Variants in GRM5 observed in about 807,000 individuals in gnomAD.
GRM5 encodes metabotropic glutamate receptor 5.
A neutral mutation model predicts 83.1 loss-of-function variants in GRM5; 19 were observed. The observed-to-expected ratio is 0.23, with a 90% CI of 0.16 to 0.34. GRM5 has a LOEUF of 0.34. GRM5 is among the 10% of genes least tolerant of loss of function. GRM5 has a pLI of 1.00. For missense variants in GRM5, 1,160 were observed against 1,588.3 expected (o/e 0.73, Z 4.58); for synonymous variants, 675 against 633.6 (o/e 1.07, Z -0.98).
At chr11:88,666,534 C>T (rs746201507) in intron 3 of GRM5, among the ~76,000 whole-genome samples, 129 of 152,304 alleles carry the variant, frequency 8.5e-4, no homozygotes, top group Middle Eastern at 3.4e-3. Context: ...GCCCTCATAA[C>T]CCAAACATCT....
At chr11:88,927,096 T>C (rs1265515543) in intron 2 of GRM5, among the ~76,000 whole-genome samples, 1 of 152,184 alleles carries the variant, frequency 6.6e-6, no homozygotes, top group Non-Finnish European at 1.5e-5. Context: ...TCATGACATC[T>C]TAAATAAAGA....
chr11:88,734,804 T>A (rs969006768), intron 3 of GRM5, among the ~76,000 whole-genome samples: 1 of 152,030 alleles, frequency 6.6e-6, no homozygotes, highest in East Asian at 1.9e-4. Context: ...CAATTATGGA[T>A]TTATTAAGTG....
At chr11:88,912,736 T>C (rs1295777036) in intron 2 of GRM5, among the ~76,000 whole-genome samples, 1 of 152,220 alleles carries the variant, frequency 6.6e-6, no homozygotes, top group Non-Finnish European at 1.5e-5. Flanking sequence ...ATAGAAACTA[T>C]ATTCCATTAT....
chr11:88,883,025 C>G (rs551962108), intron 2 of GRM5, among the ~76,000 whole-genome samples: 54 of 152,262 alleles, frequency 3.5e-4, no homozygotes, highest in African/African-American at 1.3e-3. Flanking sequence ...TTGAGGCCTC[C>G]CCAGCCACAT....
At chr11:88,790,021 G>C (rs1190660206) in intron 3 of GRM5, among the ~76,000 whole-genome samples, 1 of 151,942 alleles carries the variant, frequency 6.6e-6, no homozygotes, top group Non-Finnish European at 1.5e-5. Context: ...GCAACACCAC[G>C]CCTGGCAAAT....
At chr11:88,828,002 C>T (rs918540653) in intron 3 of GRM5, among the ~76,000 whole-genome samples, 7 of 151,994 alleles carry the variant, frequency 4.6e-5, no homozygotes, top group Non-Finnish European at 1.0e-4. Context: ...AAGGTAACAT[C>T]TGAGTGAAGA....
intron 4 of GRM5, among the ~76,000 whole-genome samples, chr11:88,628,198 C>T (rs2135267349): frequency 6.6e-6 from 1 of 152,216 alleles, no homozygotes; most frequent in Non-Finnish European, 1.5e-5. Flanking sequence ...TGCCTAGAGC[C>T]CTTAAGTCAC....
rs200343438 is a variant in GRM5, at chr11:88,978,474, T to TAAAAAAAAAAAAAAAA, written c.661+68722_661+68737dup. On this transcript the variant is annotated intron_variant, in intron 2 of 9. Transcript: ENST00000305447. ...TAACATTAACAACAGCAGATGAGCT[T>TAAAAAAAAAAAAAAAA]AAAAAAAAAAAAAAAAAAAAAAAAA... Among the ~76,000 whole-genome samples, 3 of 97,984 alleles carry TAAAAAAAAAAAAAAAA rather than the reference T, an allele frequency of 3.1e-5. 1 individual carries two copies. The highest frequency in any genetic ancestry group is 6.3e-5 in the Non-Finnish European group (3 of 47,578). The allele number at this position is 97,984 out of a possible 152,430, so 64.3% of individuals were successfully genotyped here.
At chr11:88,937,161 G>A (rs959371631) in intron 2 of GRM5, among the ~76,000 whole-genome samples, 1 of 151,636 alleles carries the variant, frequency 6.6e-6, no homozygotes, top group African/African-American at 2.4e-5. Flanking sequence ...AGCTTAATTT[G>A]AGCTCAGAGG....
intron 3 of GRM5, among the ~76,000 whole-genome samples, chr11:88,783,509 G>A (rs547534490): frequency 1.3e-5 from 2 of 152,102 alleles, no homozygotes; most frequent in Admixed American, 6.6e-5. Flanking sequence ...TAAATGCAAC[G>A]ACAAGGGAAA....
chr11:88,569,082 CTA>C (rs746477376), intron 7 of GRM5, among the ~76,000 whole-genome samples: 1 of 152,128 alleles, frequency 6.6e-6, no homozygotes, highest in African/African-American at 2.4e-5. Flanking sequence ...ATCACCAAGA[CTA>C]TATATATACA....
chr11:88,578,520 G>A (rs1477195262), intron 7 of GRM5, among the ~76,000 whole-genome samples: 2 of 152,136 alleles, frequency 1.3e-5, no homozygotes, highest in Non-Finnish European at 2.9e-5. Context: ...GAAGAACATG[G>A]TGAACATTTT....
intron 3 of GRM5, among the ~76,000 whole-genome samples, chr11:88,738,623 C>A (rs1044251717): frequency 6.6e-6 from 1 of 152,050 alleles, no homozygotes; most frequent in African/African-American, 2.4e-5. Flanking sequence ...ATGTTTAAAT[C>A]ACATAAAGTG....
chr11:88,705,838 G>C (rs1403984445), intron 3 of GRM5, among the ~76,000 whole-genome samples: 1 of 151,884 alleles, frequency 6.6e-6, no homozygotes, highest in Admixed American at 6.6e-5. Context: ...CCAAGAATCT[G>C]TCTCCATCTC....
chr11:88,553,157 G>A (rs1942549742), intron 8 of GRM5, among the ~76,000 whole-genome samples: 1 of 152,190 alleles, frequency 6.6e-6, no homozygotes, highest in African/African-American at 2.4e-5. Context: ...GTGAGTGAAT[G>A]ATGAAATCAA....
chr11:88,744,285 T>TAGC (rs1482467090), intron 3 of GRM5, among the ~76,000 whole-genome samples: 1 of 152,182 alleles, frequency 6.6e-6, no homozygotes, highest in Non-Finnish European at 1.5e-5. Context: ...CGAGGCCTAA[T>TAGC]AGCAATACAT....
chr11:88,685,794 C>T (rs890839956), intron 3 of GRM5, among the ~76,000 whole-genome samples: 6 of 152,312 alleles, frequency 3.9e-5, no homozygotes, highest in Non-Finnish European at 7.4e-5. Flanking sequence ...GTTGAGACTG[C>T]AGGTGGACAG....
At chr11:89,028,756 T>A (rs1355751209) in intron 2 of GRM5, among the ~76,000 whole-genome samples, 1 of 152,226 alleles carries the variant, frequency 6.6e-6, no homozygotes, top group Non-Finnish European at 1.5e-5. Context: ...GATTTCATTT[T>A]GTTAGTAATA....
At chr11:89,022,390 C>T (rs1042668083) in intron 2 of GRM5, among the ~76,000 whole-genome samples, 3 of 151,836 alleles carry the variant, frequency 2.0e-5, no homozygotes, top group African/African-American at 7.3e-5. Context: ...CGTCTGTAAT[C>T]CCAGCACTTT....
Sources: gnomAD v4.1 joint callset for allele counts (sites outside exome capture counted in the v4.1 genomes callset) on GRCh38, gnomAD v4.1.1 for gene constraint, MANE v1.5 for transcripts, NCBI Gene and HGNC (gene_info 2026-07-23, HGNC 2026-07-21) for gene names.